The following MYO16 variants were observed in gnomAD, a reference collection of about 807,000 sequenced individuals.
MYO16 encodes the protein myosin XVI, also known as unconventional myosin-XVI.
MYO16 carries 94 observed loss-of-function variants against 205.3 expected under a neutral mutation model. The observed-to-expected ratio is 0.46, with a 90% confidence interval of 0.39 to 0.54. MYO16 has a LOEUF of 0.54. MYO16 is among the 20% of genes least tolerant of loss of function. The pLI is 0.00. For missense variants in MYO16, 2,315 were observed against 2,387.5 expected, an observed-to-expected ratio of 0.97 and a Z score of 0.63; for synonymous variants, 988 against 954.0, an observed-to-expected ratio of 1.04 and a Z score of -0.66.
At chr13:108,970,675 T>G (rs979929170) in intron 20 of MYO16, among the ~76,000 whole-genome samples, 2 of 152,330 alleles carry the variant, frequency 1.3e-5, no homozygotes, top group South Asian at 2.1e-4. Context: ...TCACTGACCC[T>G]TTCTCTTCAA....
intron 16 of MYO16, among the ~76,000 whole-genome samples, chr13:108,954,701 A>G (rs1044146611): frequency 1.9e-4 from 29 of 152,256 alleles, no homozygotes; most frequent in African/African-American, 6.7e-4. Context: ...AGGTCACACC[A>G]TGCCCTCCAG....
the MYO16 span, among the ~76,000 whole-genome samples, chr13:108,544,593 C>T: frequency 6.6e-6 from 1 of 152,044 alleles, no homozygotes; most frequent in African/African-American, 2.4e-5. Flanking sequence ...TATAGTTATA[C>T]CTATCTAACT....
chr13:108,845,431 G>A (rs1206006956), intron 10 of MYO16, among the ~76,000 whole-genome samples: 1 of 152,142 alleles, frequency 6.6e-6, no homozygotes, highest in Non-Finnish European at 1.5e-5. Context: ...GACTGAAGGT[G>A]CAGGGTGCCT....
At chr13:108,971,368 T>TATATATAA (rs1407221810) in intron 20 of MYO16, among the ~76,000 whole-genome samples, 2 of 145,680 alleles carry the variant, frequency 1.4e-5, no homozygotes, top group Non-Finnish European at 3.0e-5. Flanking sequence ...TATATATATA[T>TATATATAA]ATATATACAC....
intron 32 of MYO16, among the ~76,000 whole-genome samples, chr13:109,156,472 A>G (rs1878039861): frequency 6.6e-6 from 1 of 152,216 alleles, no homozygotes; most frequent in East Asian, 1.9e-4. Flanking sequence ...CACATTTTTT[A>G]TGCCTTACAT....
chr13:108,816,372 T>C (rs1875602994), intron 7 of MYO16, among the ~76,000 whole-genome samples: 1 of 151,612 alleles, frequency 6.6e-6, no homozygotes, highest in African/African-American at 2.4e-5. Context: ...AGAAATTAAG[T>C]TTACCGTTTA....
the MYO16 span, among the ~76,000 whole-genome samples, chr13:108,567,284 C>G: frequency 6.6e-6 from 1 of 152,064 alleles, no homozygotes; most frequent in East Asian, 1.9e-4. Flanking sequence ...AACTTGATGA[C>G]TGGTTATGAA....
At chr13:109,196,966 TG>T (rs1308094363) in intron 34 of MYO16, among the ~76,000 whole-genome samples, 1 of 152,218 alleles carries the variant, frequency 6.6e-6, no homozygotes, top group African/African-American at 2.4e-5. Context: ...TCTAAATGCC[TG>T]GATTTTGTAC....
intron 2 of MYO16, among the ~76,000 whole-genome samples, chr13:108,670,453 T>A (rs1262716192): frequency 6.6e-6 from 1 of 152,154 alleles, no homozygotes. Context: ...TATGAACCTG[T>A]GGTTATTCTC....
chr13:109,053,724 T>C (rs277832), intron 25 of MYO16, among the ~76,000 whole-genome samples: 2 of 152,118 alleles, frequency 1.3e-5, no homozygotes, highest in African/African-American at 4.8e-5. Context: ...TGATTATTCC[T>C]TAAATGTTCT....
intron 3 of MYO16, among the ~76,000 whole-genome samples, chr13:108,717,541 A>T (rs938620466): frequency 6.7e-6 from 1 of 150,320 alleles, no homozygotes; most frequent in Non-Finnish European, 1.5e-5. Flanking sequence ...GAGGAAGGAG[A>T]ATGTTGTGAA....
intron 23 of MYO16, among the ~76,000 whole-genome samples, chr13:109,023,651 G>GTATATATACA (rs1179332497): frequency 2.4e-5 from 3 of 124,280 alleles, no homozygotes; most frequent in Non-Finnish European, 3.2e-5. Context: ...ACAAATATAT[G>GTATATATACA]TATATATGTA....
At chr13:108,770,157 A>G (rs879226188) in intron 4 of MYO16, among the ~76,000 whole-genome samples, 1 of 152,208 alleles carries the variant, frequency 6.6e-6, no homozygotes, top group African/African-American at 2.4e-5. Flanking sequence ...AATATTCTCA[A>G]TTTATTTTCA....
At chr13:109,124,537 A>G (rs367928916) in intron 29 of MYO16, among the ~76,000 whole-genome samples, 1 of 152,026 alleles carries the variant, frequency 6.6e-6, no homozygotes, top group Non-Finnish European at 1.5e-5. Context: ...ATTTCAAAGC[A>G]TTTTCACTCA....
intron 16 of MYO16, among the ~76,000 whole-genome samples, chr13:108,915,434 A>G (rs1439168712): frequency 6.6e-6 from 1 of 152,228 alleles, no homozygotes; most frequent in Non-Finnish European, 1.5e-5. Context: ...AATGCTTGTT[A>G]CCAAAAGTTT....
At chr13:108,502,252 T>A in the MYO16 span, among the ~76,000 whole-genome samples, 1 of 152,016 alleles carries the variant, frequency 6.6e-6, no homozygotes, top group African/African-American at 2.4e-5. Flanking sequence ...AAATTGTAGA[T>A]TTATTGAATT....
chr13:108,598,399 T>A (rs1878640031), intron 1 of MYO16, among the ~76,000 whole-genome samples: 1 of 152,250 alleles, frequency 6.6e-6, no homozygotes, highest in South Asian at 2.1e-4. Flanking sequence ...TTGTGTTAAG[T>A]GATCTGGAAG....
chr13:108,830,892 T>G (rs909152095), intron 9 of MYO16, among the ~76,000 whole-genome samples: 6 of 152,350 alleles, frequency 3.9e-5, no homozygotes, highest in Admixed American at 3.9e-4. Flanking sequence ...CATTGAGAAC[T>G]GTCTATTCAG....
chr13:108,989,382 A>C (rs911788700), intron 20 of MYO16, among the ~76,000 whole-genome samples: 1 of 152,192 alleles, frequency 6.6e-6, no homozygotes, highest in Non-Finnish European at 1.5e-5. Context: ...AACCTTAGAA[A>C]GTGGGGAATA....
Sources: allele counts gnomAD v4.1 joint callset (sites outside exome capture counted in the v4.1 genomes callset), GRCh38; gene constraint gnomAD v4.1.1; transcripts MANE v1.5; gene names NCBI Gene and HGNC (gene_info 2026-07-23, HGNC 2026-07-21).